The following SLC24A2 variants were observed in gnomAD, a reference collection of about 807,000 sequenced individuals.
SLC24A2 encodes solute carrier family 24 member 2.
A neutral mutation model predicts 62.0 loss-of-function variants in SLC24A2; 36 were observed. The observed-to-expected ratio is 0.58, with a 90% confidence interval of 0.44 to 0.77. SLC24A2 has a LOEUF of 0.77. SLC24A2 is among the 30% of genes least tolerant of loss of function. The pLI, the probability that SLC24A2 is intolerant of heterozygous loss-of-function variation, is 0.00. For missense variants in SLC24A2, 846 were observed against 817.9 expected, an observed-to-expected ratio of 1.03 and a Z score of -0.42; for synonymous variants, 358 against 294.0, an observed-to-expected ratio of 1.22 and a Z score of -2.23.
intron 10 of SLC24A2, 111 bp from the exon 11 acceptor site, chr9:19,516,513 A>G (rs1832937953): frequency 1.5e-6 from 2 of 1,329,368 alleles, no homozygotes; most frequent in South Asian, 2.6e-5. Flanking sequence ...CTCTAAACTG[A>G]AAAGGGTGTC....
the SLC24A2 span, among the ~76,000 whole-genome samples, chr9:19,916,032 G>C: frequency 6.6e-6 from 1 of 151,924 alleles, no homozygotes; most frequent in African/African-American, 2.4e-5. Flanking sequence ...AGTTTTACAG[G>C]TTTAGCACTT....
chr9:19,742,656 C>G (rs1821714693), intron 2 of SLC24A2, among the ~76,000 whole-genome samples: 1 of 152,162 alleles, frequency 6.6e-6, no homozygotes, highest in African/African-American at 2.4e-5. Context: ...TCTTCTGATT[C>G]AGGGCCTGGC....
At chr9:19,523,319 C>G (rs1485229736) in intron 9 of SLC24A2, among the ~76,000 whole-genome samples, 1 of 152,226 alleles carries the variant, frequency 6.6e-6, no homozygotes, top group Non-Finnish European at 1.5e-5. Context: ...AGTTAGACAA[C>G]TTCCCTGAGT....
At chr9:20,039,160 C>T in the SLC24A2 span, among the ~76,000 whole-genome samples, 7 of 152,174 alleles carry the variant, frequency 4.6e-5, no homozygotes, top group African/African-American at 9.7e-5. Flanking sequence ...CTGAGCCAGA[C>T]GGGCTGGCCC....
chr9:20,235,590 T>C, the SLC24A2 span, among the ~76,000 whole-genome samples: 32 of 152,318 alleles, frequency 2.1e-4, no homozygotes, highest in East Asian at 2.5e-3. Flanking sequence ...AAGTGCAGTA[T>C]TGGGGTGGGA....
chr9:20,264,101 C>A, the SLC24A2 span, among the ~76,000 whole-genome samples: 1 of 152,102 alleles, frequency 6.6e-6, no homozygotes, highest in Admixed American at 6.5e-5. Context: ...CCATCCCAAG[C>A]AACACAAAGC....
At chr9:19,776,444 A>C (rs886255474) in intron 2 of SLC24A2, among the ~76,000 whole-genome samples, 20 of 152,196 alleles carry the variant, frequency 1.3e-4, no homozygotes, top group Non-Finnish European at 1.5e-4. Context: ...AGCACTGCCT[A>C]CTTTTCAAAT....
At chr9:20,101,445 C>A in the SLC24A2 span, among the ~76,000 whole-genome samples, 4 of 152,206 alleles carry the variant, frequency 2.6e-5, no homozygotes, top group African/African-American at 7.2e-5. Flanking sequence ...TGGGGCAGAT[C>A]TTTGTTTTCA....
intron 2 of SLC24A2, among the ~76,000 whole-genome samples, chr9:19,636,390 C>CTCTCT (rs1818352974): frequency 3.0e-5 from 2 of 67,026 alleles, no homozygotes; most frequent in Non-Finnish European, 2.7e-5. Context: ...TTTCTTTCTC[C>CTCTCT]CTCTCTCTCT....
chr9:19,882,664 TAA>T, the SLC24A2 span, among the ~76,000 whole-genome samples: 3,153 of 140,820 alleles, frequency 0.022, 110 homozygotes, highest in African/African-American at 0.076. Flanking sequence ...ATCTACAGGT[TAA>T]AAAAAAAAAA....
the SLC24A2 span, among the ~76,000 whole-genome samples, chr9:20,091,028 G>A: frequency 6.6e-6 from 1 of 151,226 alleles, no homozygotes; most frequent in Non-Finnish European, 1.5e-5. Flanking sequence ...TGACAGAGAT[G>A]AAAAACACAC....
chr9:19,981,700 G>T, the SLC24A2 span, among the ~76,000 whole-genome samples: 1 of 152,136 alleles, frequency 6.6e-6, no homozygotes, highest in Non-Finnish European at 1.5e-5. Flanking sequence ...ACTAAATTTG[G>T]CTTGGGTCTG....
intron 8 of SLC24A2, among the ~76,000 whole-genome samples, chr9:19,530,876 G>A (rs1171687637): frequency 6.6e-6 from 1 of 152,130 alleles, no homozygotes; most frequent in African/African-American, 2.4e-5. Context: ...CTGAACTAGA[G>A]ATAAAATTCA....
chr9:20,294,724 TATG>T, the SLC24A2 span, among the ~76,000 whole-genome samples: 3 of 152,054 alleles, frequency 2.0e-5, no homozygotes, highest in Admixed American at 1.3e-4. Context: ...TGCTGGCAAA[TATG>T]ATATTTCAGG....
At chr9:19,876,522 A>G in the SLC24A2 span, among the ~76,000 whole-genome samples, 160 of 152,208 alleles carry the variant, frequency 1.1e-3, no homozygotes, top group South Asian at 2.9e-3. Context: ...GATCAGCAGC[A>G]AATTGTGTAG....
chr9:20,082,917 AAC>A, the SLC24A2 span, among the ~76,000 whole-genome samples: 5 of 152,224 alleles, frequency 3.3e-5, no homozygotes, highest in African/African-American at 9.6e-5. Flanking sequence ...TTTTAATATA[AAC>A]AGTGTCTCTC....
At chr9:19,828,037 C>T in the SLC24A2 span, among the ~76,000 whole-genome samples, 1 of 152,142 alleles carries the variant, frequency 6.6e-6, no homozygotes. Context: ...AACAACCCAG[C>T]CTGGTTTTAT....
At chr9:20,032,809 TG>T in the SLC24A2 span, among the ~76,000 whole-genome samples, 2 of 150,512 alleles carry the variant, frequency 1.3e-5, no homozygotes, top group Admixed American at 1.3e-4. Context: ...CAGGGAGGAG[TG>T]GGGTAAAGGT....
the SLC24A2 span, among the ~76,000 whole-genome samples, chr9:20,236,449 G>A: frequency 6.6e-6 from 1 of 152,216 alleles, no homozygotes; most frequent in Non-Finnish European, 1.5e-5. Context: ...CATCATGAAA[G>A]TAAGCATTCC....
Sources: gnomAD v4.1 joint callset for allele counts (sites outside exome capture counted in the v4.1 genomes callset) on GRCh38, gnomAD v4.1.1 for gene constraint, MANE v1.5 for transcripts, NCBI Gene and HGNC (gene_info 2026-07-23, HGNC 2026-07-21) for gene names.